Variants in KAZN observed in about 807,000 individuals in gnomAD.
KAZN encodes the protein kazrin.
Under a neutral mutation model 87.4 loss-of-function variants are expected in KAZN, and 40 were observed. That is an observed-to-expected ratio of 0.46 (90% confidence interval 0.36 to 0.60). The LOEUF (loss-of-function observed/expected upper bound fraction) is 0.60, where lower values mean the gene tolerates loss of function less well. KAZN is among the 20% of genes least tolerant of loss of function. The pLI, the probability that KAZN is intolerant of heterozygous loss-of-function variation, is 0.00. For synonymous variants in KAZN, 466 were observed against 458.3 expected (o/e 1.02, Z -0.22); for missense variants, 898 against 1,073.9 (o/e 0.84, Z 2.29).
chr1:13,959,288 C>G (rs1641665917), intron 1 of KAZN, among the ~76,000 whole-genome samples: 1 of 152,192 alleles, frequency 6.6e-6, no homozygotes, highest in Admixed American at 6.5e-5. Context: ...GACTTCCCAG[C>G]CTCCAGAGCT....
chr1:14,760,448 A>G (rs992238959), intron 1 of KAZN, among the ~76,000 whole-genome samples: 1 of 152,222 alleles, frequency 6.6e-6, no homozygotes, highest in Admixed American at 6.5e-5. Flanking sequence ...TGACAAACAC[A>G]TAGCAGCAAC....
At chr1:14,601,195 A>G (rs540925878) in intron 1 of KAZN, among the ~76,000 whole-genome samples, 101 of 152,216 alleles carry the variant, frequency 6.6e-4, no homozygotes, top group Non-Finnish European at 1.1e-3. Flanking sequence ...CTCTTTGTAC[A>G]TTGGTATGTC....
intron 6 of KAZN, chr1:15,063,043 G>A (rs181634774): frequency 6.4e-6 from 1 of 157,230 alleles, no homozygotes; most frequent in Admixed American, 6.1e-5. Context: ...GTAGTGGACT[G>A]TCTGCTGCCT....
intron 1 of KAZN, among the ~76,000 whole-genome samples, chr1:14,143,259 G>T (rs1486053394): frequency 6.6e-6 from 1 of 152,038 alleles, no homozygotes; most frequent in African/African-American, 2.4e-5. Flanking sequence ...GTATACCTAG[G>T]CATACTTTTT....
chr1:14,705,047 C>T (rs1642139608), intron 1 of KAZN, among the ~76,000 whole-genome samples: 1 of 152,198 alleles, frequency 6.6e-6, no homozygotes, highest in African/African-American at 2.4e-5. Flanking sequence ...TGGCAAACCA[C>T]AGAAATTCAT....
chr1:14,107,669 A>G (rs1644407810), intron 1 of KAZN, among the ~76,000 whole-genome samples: 1 of 152,156 alleles, frequency 6.6e-6, no homozygotes, highest in African/African-American at 2.4e-5. Flanking sequence ...GAGTCTACTT[A>G]TGATGCTGCA....
intron 1 of KAZN, among the ~76,000 whole-genome samples, chr1:14,801,349 C>G (rs545379820): frequency 1.3e-5 from 2 of 152,148 alleles, no homozygotes; most frequent in Admixed American, 1.3e-4. Context: ...CGCTCACTGT[C>G]GGTTTCGTGA....
At chr1:14,926,170 C>T (rs1271808457) in intron 1 of KAZN, among the ~76,000 whole-genome samples, 1 of 152,204 alleles carries the variant, frequency 6.6e-6, no homozygotes, top group Non-Finnish European at 1.5e-5. Context: ...CTCTCTGCTC[C>T]ATCTCCACCC....
chr1:14,771,342 A>G (rs528974319), intron 1 of KAZN, among the ~76,000 whole-genome samples: 1 of 152,308 alleles, frequency 6.6e-6, no homozygotes, highest in Admixed American at 6.5e-5. Flanking sequence ...ATACTCAAGG[A>G]GGTAGAGAAA....
At chr1:14,997,611 T>C (rs1230482091) in intron 2 of KAZN, among the ~76,000 whole-genome samples, 5 of 152,166 alleles carry the variant, frequency 3.3e-5, no homozygotes, top group Admixed American at 6.5e-5. Context: ...CGGTGTCTGA[T>C]GTATCCCCAG....
chr1:14,833,984 CACACACACACACACACACACACACAT>C (rs1445088060), intron 1 of KAZN, among the ~76,000 whole-genome samples: 1 of 149,234 alleles, frequency 6.7e-6, no homozygotes, highest in Admixed American at 6.8e-5. Flanking sequence ...CACACACACA[CACACACACACACACACACACACACAT>C]ACACACACAT....
intron 1 of KAZN, among the ~76,000 whole-genome samples, chr1:13,961,303 A>G (rs1218796936): frequency 6.6e-6 from 1 of 152,232 alleles, no homozygotes; most frequent in Non-Finnish European, 1.5e-5. Flanking sequence ...AGACAGACAC[A>G]CGTATACACA....
At chr1:14,943,085 T>A (rs1330427854) in intron 1 of KAZN, among the ~76,000 whole-genome samples, 1 of 138,426 alleles carries the variant, frequency 7.2e-6, no homozygotes, top group African/African-American at 2.9e-5. Flanking sequence ...TTTTTTTTTT[T>A]AATTTACATT....
At chr1:14,575,323 G>A (rs1277397675) in intron 2 of KAZN, among the ~76,000 whole-genome samples, 1 of 152,060 alleles carries the variant, frequency 6.6e-6, no homozygotes, top group Non-Finnish European at 1.5e-5. Context: ...CACGTGGCTG[G>A]GGAGGCCTCA....
At chr1:14,171,828 T>G (rs1645960286) in intron 1 of KAZN, among the ~76,000 whole-genome samples, 1 of 152,198 alleles carries the variant, frequency 6.6e-6, no homozygotes, top group Non-Finnish European at 1.5e-5. Context: ...ATATTATTAT[T>G]ATTTCATGGG....
intron 1 of KAZN, among the ~76,000 whole-genome samples, chr1:14,017,929 G>T (rs1183119397): frequency 6.6e-6 from 1 of 152,054 alleles, no homozygotes; most frequent in Admixed American, 6.6e-5. Context: ...GAGCAGCCAG[G>T]GTAATGATCA....
At chr1:15,112,767 T>G in intron 14 of KAZN, 1 of 473,552 alleles carries the variant, frequency 2.1e-6, no homozygotes, top group Non-Finnish European at 3.9e-6. Flanking sequence ...AGCACCTGGA[T>G]CTCAAAGTGC....
Position 14,514,386 on chromosome 1 carries a change from A to T in KAZN, c.250-84597A>T, listed in dbSNP as rs576802714. Among the ~76,000 whole-genome samples, 49 of 15,914 alleles carry T rather than the reference A, an allele frequency of 3.1e-3. 2 individuals carry two copies. Among genetic ancestry groups the T allele is most frequent in the African/African-American group, 0.014 (42 of 2,958 alleles). 10.4% of individuals were successfully genotyped at this position (15,914 alleles called of 152,430 possible). A position where few individuals can be genotyped will look rare whatever the true frequency, so the allele number is the denominator to read the frequency against. ...ATATTTATATATATAATATATATAT[A>T]TTATATATATTTATATATATAATAT... On this transcript the variant is annotated intron_variant, in intron 2 of 16. Transcript: ENST00000636203.
At chr1:14,601,059 T>G (rs1422678608) in intron 1 of KAZN, among the ~76,000 whole-genome samples, 1 of 152,214 alleles carries the variant, frequency 6.6e-6, no homozygotes, top group Non-Finnish European at 1.5e-5. Context: ...TGAAAATGGC[T>G]TTTGGATCTC....
Sources: gnomAD v4.1 joint callset for allele counts (sites outside exome capture counted in the v4.1 genomes callset) on GRCh38, gnomAD v4.1.1 for gene constraint, MANE v1.5 for transcripts, NCBI Gene and HGNC (gene_info 2026-07-23, HGNC 2026-07-21) for gene names.